GTPBP1: variants seen among roughly 807,000 people sequenced by gnomAD.
The protein encoded by GTPBP1 is GTP-binding protein 1.
Under a neutral mutation model 62.0 loss-of-function variants are expected in GTPBP1, and 23 were observed. The observed-to-expected ratio is 0.37, with a 90% confidence interval of 0.27 to 0.53. The LOEUF is 0.53. Ranked by LOEUF, GTPBP1 falls within the 20% of genes least tolerant of loss-of-function variation. GTPBP1 has a pLI of 0.89. For synonymous variants in GTPBP1, 344 were observed against 364.4 expected (o/e 0.94, Z 0.64); for missense variants, 640 against 917.3 (o/e 0.70, Z 3.90).
At chr22:38,728,327 C>T (rs2145882836) in intron 10 of GTPBP1, 166 bp downstream of exon 10, 1 of 604,646 alleles carries the variant, frequency 1.7e-6, no homozygotes, top group Non-Finnish European at 3.0e-6. Context: ...TATCCTGTGG[C>T]CTCCTGTCCT....
downstream of GTPBP1, chr22:38,740,879 C>G (rs1462341013): frequency 1.8e-5 from 19 of 1,083,212 alleles, no homozygotes; most frequent in Non-Finnish European, 2.4e-5. This position sits in a 1 kb window ranked among gnomAD's most constrained non-coding sequence, Gnocchi z 4.8. Context: ...GTTTCAACCC[C>G]TCCCCCTACC....
At chr22:38,728,528 A>AG (rs1302168781) in intron 10 of GTPBP1, 2 of 265,582 alleles carry the variant, frequency 7.5e-6, no homozygotes, top group East Asian at 1.5e-4. Flanking sequence ...GAGTAAGTGC[A>AG]GGGGGTTATG....
chr22:38,721,217 T>C (rs2092698857), intron 4 of GTPBP1, among the ~76,000 whole-genome samples: 1 of 152,166 alleles, frequency 6.6e-6, no homozygotes, highest in African/African-American at 2.4e-5. Flanking sequence ...GTAGCTGGGA[T>C]TACAGGCATG....
rs1228066895 is a variant in GTPBP1 at position 38,708,879 on chromosome 22, A to G, written c.227A>G (p.Asp76Gly). Residue 76 changes from aspartate to glycine, a missense_variant, in exon 2 of 12, where the codon GAC becomes GGC. Around this residue, in one of 4 missense-constraint regions of GTPBP1, gnomAD observed 215 missense variants for 235.1 expected, o/e 0.91. Coordinates refer to ENST00000216044, the MANE Select transcript of GTPBP1 (RefSeq NM_004286.5). Reference sequence around the variant, plus strand: ...GTGAGCCCTACATCAGAGCAGTATGACAGCCTACTTCGGCAGATGTGGGAG... The same window carrying G: ...GTGAGCCCTACATCAGAGCAGTATGGCAGCCTACTTCGGCAGATGTGGGAG... The part of the protein sequence containing the change: ...VLVSPTSEQY[D>G]SLLRQMWERM... 3 of 1,611,562 alleles carry G rather than the reference A, an allele frequency of 1.9e-6. No individual in the cohort carries two copies. Among genetic ancestry groups the G allele is most frequent in the Non-Finnish European group, 2.5e-6 (3 of 1,177,722 alleles).
At position 38,715,954 on chromosome 22, in the gene GTPBP1, G is replaced by T. The variant is rs761281921; in HGVS notation, c.352G>T (p.Ala118Ser). ...LSEADMEASY[A>S]TVKSMAEQIE... The stretch of plus-strand genomic sequence containing the variant: ...TGAAGCTGACATGGAGGCCTCCTAC[G>T]CCACAGTGAAGAGCATGGCGGAACA... Residue 118 changes from alanine (A) to serine (S), a missense_variant, in exon 3 of 12, where the codon GCC (alanine) becomes TCC (serine). Ala to Ser is a moderately conservative substitution (Grantham distance 99). This residue lies in a region of GTPBP1 where 215 missense variants were observed against 235.1 expected (regional missense o/e 0.91). Transcript: ENST00000216044. The T allele has an allele frequency of 1.2e-6, 2 of 1,613,998 alleles. No homozygotes were observed. Among genetic ancestry groups the T allele is most frequent in the South Asian group, 2.2e-5 (2 of 91,074 alleles).
Position 38,716,605 on chromosome 22 carries a change from C to A in GTPBP1, c.486-47C>A. On this transcript the variant is annotated intron_variant, in intron 3 of 11. Coordinates refer to ENST00000216044, the MANE Select transcript of GTPBP1 (RefSeq NM_004286.5). The surrounding 1 kb of genome is among the most constrained non-coding windows in gnomAD (Gnocchi z 5.2). ...GGGTTATGATGGTCGCTCCACCTCA[C>A]TCATTCACTAACTCTCACATAGATG... is the stretch of plus-strand genomic sequence containing the variant. The A allele has an allele frequency of 7.2e-7, 1 of 1,380,770 alleles. No individual in the cohort carries two copies. Among genetic ancestry groups the A allele is most frequent in the Non-Finnish European group, 1.0e-6 (1 of 987,940 alleles). 85.5% of individuals were successfully genotyped at this position (1,380,770 alleles called of 1,614,324 possible). A position where few individuals can be genotyped will look rare whatever the true frequency, so the allele number is the denominator to read the frequency against.
downstream of GTPBP1, among the ~76,000 whole-genome samples, chr22:38,742,148 GAAAAAAA>G (rs369861899): frequency 7.8e-6 from 1 of 127,742 alleles, no homozygotes; most frequent in Non-Finnish European, 1.7e-5. Context: ...GTCTCAAAAA[GAAAAAAA>G]AAAAAGAAAA....
chr22:38,727,481 TC>T lies in GTPBP1; in HGVS notation c.1537+135del. 1.2e-6 allele frequency: 1 copy of T among 824,268 alleles called. No individual in the cohort carries two copies. Among genetic ancestry groups the T allele is most frequent in the Non-Finnish European group, 1.8e-6 (1 of 544,386 alleles). The allele number at this position is 824,268 out of a possible 1,614,324, so 51.1% of individuals were successfully genotyped here. The stretch of plus-strand genomic sequence containing the variant: ...CCTCCTTCCTGTTTAGTGATGCCGT[TC>T]CTTCTGTTCTACCCATGAGCCGCAG... On this transcript the variant is annotated intron_variant, in intron 9 of 11. Coordinates refer to ENST00000216044, the MANE Select transcript of GTPBP1 (RefSeq NM_004286.5). This position sits in a 1 kb window ranked among gnomAD's most constrained non-coding sequence, Gnocchi z 6.5.
downstream of GTPBP1, chr22:38,737,782 C>T (rs1262553566): frequency 9.9e-6 from 4 of 405,278 alleles, no homozygotes. The surrounding 1 kb of genome is among the most constrained non-coding windows in gnomAD (Gnocchi z 4.1). Flanking sequence ...GATCGGATGC[C>T]CACTGAAGTT....
At chr22:38,739,060 C>G, downstream of GTPBP1, 2 of 1,450,722 alleles carry the variant, frequency 1.4e-6, no homozygotes, top group South Asian at 1.2e-5. This position sits in a 1 kb window ranked among gnomAD's most constrained non-coding sequence, Gnocchi z 6.7. Context: ...TTGGCTGTCT[C>G]CTCGCTGAAG....
intron 1 of GTPBP1, 29 bp downstream of exon 1, chr22:38,706,176 G>C: frequency 8.2e-7 from 1 of 1,217,388 alleles, no homozygotes; most frequent in Non-Finnish European, 1.0e-6. Flanking sequence ...GGCGGGCGCT[G>C]AGGGGAGCGG....
At chr22:38,739,090 G>T, downstream of GTPBP1, 1 of 1,212,912 alleles carries the variant, frequency 8.2e-7, no homozygotes, top group Non-Finnish European at 1.2e-6. This position sits in a 1 kb window ranked among gnomAD's most constrained non-coding sequence, Gnocchi z 6.7. Context: ...AGATGCCCCA[G>T]GCCTAGCCTT....
At chr22:38,709,024 T>C (rs1464498554) in intron 2 of GTPBP1, 68 bp downstream of exon 2, 9 of 940,110 alleles carry the variant, frequency 9.6e-6, no homozygotes, top group Non-Finnish European at 1.5e-5. Context: ...CCCTGCCGCC[T>C]GTAATCCCAG....
chr22:38,733,953 G>T (rs1198890184), downstream of GTPBP1, among the ~76,000 whole-genome samples: 2 of 152,228 alleles, frequency 1.3e-5, no homozygotes, highest in African/African-American at 4.8e-5. Flanking sequence ...GCGTGGGGAT[G>T]TCTCCTTTGT....
chr22:38,722,121 A>G (rs894862064), intron 5 of GTPBP1, among the ~76,000 whole-genome samples: 3 of 152,222 alleles, frequency 2.0e-5, no homozygotes, highest in Non-Finnish European at 4.4e-5. Context: ...ACTGGTCAGT[A>G]TCTAGAAATA....
At position 38,732,092 on chromosome 22, in the gene GTPBP1, T is replaced by G. The variant is rs961934053; in HGVS notation, c.*1388T>G. 3 of 152,808 alleles carry G rather than the reference T, an allele frequency of 2.0e-5. No individual in the cohort carries two copies. The highest frequency in any genetic ancestry group is 4.4e-5 in the Non-Finnish European group (3 of 68,210). 9.5% of individuals were successfully genotyped at this position (152,808 alleles called of 1,614,324 possible). A position where few individuals can be genotyped will look rare whatever the true frequency, so the allele number is the denominator to read the frequency against. ...GGCTGGGTCCTTCCTCAGCCTTGCC[T>G]CCTCCTGTCCCCAACCCTTTCCTTT... On this transcript the variant is annotated 3_prime_UTR_variant, in exon 12 of 12. Transcript: ENST00000216044.
In GTPBP1 at chr22:38,726,492, C is replaced by A; in HGVS notation, c.1401+52C>A. On this transcript the variant is annotated intron_variant, in intron 8 of 11. Coordinates refer to ENST00000216044, the MANE Select transcript of GTPBP1 (RefSeq NM_004286.5). This position sits in a 1 kb window ranked among gnomAD's most constrained non-coding sequence, Gnocchi z 4.1. Reference sequence around the variant, plus strand: ...CCCTCAGACTCCATCATGCTAGGCTCTTGGCCAGATGCCCTGCTCACCCAC... The same window carrying A: ...CCCTCAGACTCCATCATGCTAGGCTATTGGCCAGATGCCCTGCTCACCCAC... 1 of 1,497,996 alleles carries A rather than the reference C, an allele frequency of 6.7e-7. No individual in the cohort carries two copies. 92.8% of individuals were successfully genotyped at this position (1,497,996 alleles called of 1,614,324 possible).
At chr22:38,740,736 G>C, downstream of GTPBP1, 1 of 588,304 alleles carries the variant, frequency 1.7e-6, no homozygotes, top group Non-Finnish European at 3.0e-6. The surrounding 1 kb of genome is among the most constrained non-coding windows in gnomAD (Gnocchi z 4.8). Flanking sequence ...AGTTATGTGA[G>C]GCTGTAAGAA....
chr22:38,725,933 G>C, intron 6 of GTPBP1, 73 bp from the exon 7 acceptor site: 1 of 1,429,934 alleles, frequency 7.0e-7, no homozygotes. Flanking sequence ...GCTGCCCCTG[G>C]TCTGTGTCAG....
Sources: allele counts gnomAD v4.1 joint callset (sites outside exome capture counted in the v4.1 genomes callset), GRCh38; gene constraint gnomAD v4.1.1; regional missense constraint gnomAD v4.1.1; non-coding constraint Gnocchi (gnomAD v3.1); transcripts MANE v1.5; gene names NCBI Gene and HGNC (gene_info 2026-07-23, HGNC 2026-07-21).